SYDE2: variants seen among roughly 807,000 people sequenced by gnomAD.
SYDE2 encodes the protein synapse defective Rho GTPase homolog 2.
Under a neutral mutation model 91.5 loss-of-function variants are expected in SYDE2, and 76 were observed. The observed-to-expected ratio is 0.83, with a 90% CI of 0.69 to 1.01. The LOEUF (loss-of-function observed/expected upper bound fraction) is 1.01, where lower values mean the gene tolerates loss of function less well. SYDE2 is among the 50% of genes least tolerant of loss of function. The probability of loss-of-function intolerance (pLI) is 0.00; values close to 1 mark genes in which losing one functional copy is unlikely to be tolerated. For missense variants in SYDE2, 1,364 were observed against 1,367.7 expected, an observed-to-expected ratio of 1.00 and a Z score of 0.04; for synonymous variants, 513 against 506.4, an observed-to-expected ratio of 1.01 and a Z score of -0.18.
At chr1:85,162,294 T>C (rs1657091004) in intron 6 of SYDE2, among the ~76,000 whole-genome samples, 1 of 152,230 alleles carries the variant, frequency 6.6e-6, no homozygotes, top group Non-Finnish European at 1.5e-5. Flanking sequence ...AAACCTTCTA[T>C]TGAATGCATG....
chr1:85,177,822 C>G (rs1657760254), intron 4 of SYDE2, among the ~76,000 whole-genome samples: 1 of 152,126 alleles, frequency 6.6e-6, no homozygotes, highest in South Asian at 2.1e-4. Flanking sequence ...AGTCAATACG[C>G]TCTATATCAC....
intron 1 of SYDE2, among the ~76,000 whole-genome samples, 161 bp from the exon 2 acceptor site, chr1:85,190,913 T>C (rs12021868): frequency 0.047 from 7,175 of 152,208 alleles, 259 homozygotes; most frequent in East Asian, 0.17. Context: ...ATTTTACATA[T>C]AAATATGATT....
chr1:85,156,631 ATTCTC>A (rs1052402638), downstream of SYDE2, among the ~76,000 whole-genome samples: 32 of 152,132 alleles, frequency 2.1e-4, no homozygotes, highest in African/African-American at 7.5e-4. Context: ...AAATGATAGA[ATTCTC>A]TAAGAGGGCA....
Position 85,157,543 on chromosome 1 carries a change from A to C in SYDE2, c.*1207T>G, listed in dbSNP as rs997069001. 6.6e-6 allele frequency: 1 copy of C among 152,188 alleles called. No homozygotes were observed. Among genetic ancestry groups the C allele is most frequent in the Admixed American group, 6.5e-5 (1 of 15,284 alleles). 9.4% of individuals were successfully genotyped at this position (152,188 alleles called of 1,614,324 possible). A position where few individuals can be genotyped will look rare whatever the true frequency, so the allele number is the denominator to read the frequency against. On this transcript the variant is annotated 3_prime_UTR_variant, in exon 7 of 7. Transcript: ENST00000341460. ...AACAGGAGCAGATTTATTAAATCTA[A>C]GTCACCAGTGCAGAAATCTGGGTAC...
At chr1:85,162,325 T>C (rs1249847476) in intron 6 of SYDE2, among the ~76,000 whole-genome samples, 1 of 152,220 alleles carries the variant, frequency 6.6e-6, no homozygotes, top group East Asian at 1.9e-4. Context: ...AGGCATTCAC[T>C]GAGTTAATAT....
chr1:85,170,919 G>A (rs1657481095), intron 4 of SYDE2, among the ~76,000 whole-genome samples: 1 of 152,144 alleles, frequency 6.6e-6, no homozygotes, highest in South Asian at 2.1e-4. Context: ...ATATATGCAG[G>A]TATGTCTGTA....
chr1:85,200,085 TTAAG>T (rs1271503812), intron 1 of SYDE2, 163 bp downstream of exon 1: 3 of 945,972 alleles, frequency 3.2e-6, no homozygotes, highest in Non-Finnish European at 3.8e-6. Flanking sequence ...ATGCATTACA[TTAAG>T]TAACCCCGAA....
At chr1:85,187,587 T>C (rs1389246042) in intron 2 of SYDE2, among the ~76,000 whole-genome samples, 1 of 150,626 alleles carries the variant, frequency 6.6e-6, no homozygotes, top group Non-Finnish European at 1.5e-5. Flanking sequence ...TGCGGCACTA[T>C]TCACAATAGC....
intron 4 of SYDE2, 141 bp downstream of exon 4, chr1:85,178,005 C>T (rs932509448): frequency 6.7e-6 from 5 of 745,942 alleles, no homozygotes; most frequent in South Asian, 1.9e-5. Context: ...TAGAAAATAA[C>T]ACAGTAAGTA....
At chr1:85,181,204 T>A (rs1017387747) in intron 3 of SYDE2, 1 of 140,880 alleles carries the variant, frequency 7.1e-6, no homozygotes, top group Non-Finnish European at 1.5e-5. Context: ...CAGGCTAGAA[T>A]GCAGTGGCAC....
downstream of SYDE2, among the ~76,000 whole-genome samples, chr1:85,154,602 T>G (rs1396562020): frequency 2.7e-5 from 4 of 149,030 alleles, no homozygotes; most frequent in Non-Finnish European, 3.0e-5. Context: ...AAACATGGAG[T>G]CATTTCAATC....
chr1:85,185,331 TTTAAG>T (rs1285946821), intron 2 of SYDE2, among the ~76,000 whole-genome samples: 1 of 150,816 alleles, frequency 6.6e-6, no homozygotes, highest in African/African-American at 2.4e-5. Context: ...ATAGCATACT[TTTAAG>T]TTGTGTTTTT....
rs763276688 is a variant in SYDE2 at position 85,169,005 on chromosome 1, A to C, written c.2853+39T>G. 2.5e-6 allele frequency: 4 copies of C among 1,576,158 alleles called. No homozygotes were observed. The South Asian group carries it at 4.4e-5, about 17-fold the overall frequency. On this transcript the variant is annotated intron_variant, in intron 5 of 6. Transcript: ENST00000341460. ...TCTGGAGGTAGGTATACAGTTCATTAACTGGCTTTCAGGAAAAATGTATAC... is the reference window on the plus strand; with the variant it reads ...TCTGGAGGTAGGTATACAGTTCATTCACTGGCTTTCAGGAAAAATGTATAC...
rs1240085249 is a variant in SYDE2 at position 85,157,047 on chromosome 1, A to G, written c.*1703T>C. On this transcript the variant is annotated 3_prime_UTR_variant, in exon 7 of 7. Coordinates refer to ENST00000341460, the MANE Select transcript of SYDE2 (RefSeq NM_032184.2). ...TGGTATTCTTCTGAATTGTTAACACAAAGTTTTAAAAAATGAAAATTTCAT... is the reference window on the plus strand; with the variant it reads ...TGGTATTCTTCTGAATTGTTAACACGAAGTTTTAAAAAATGAAAATTTCAT... The G allele has an allele frequency of 1.3e-5, 2 of 152,020 alleles. No individual in the cohort carries two copies. The highest frequency in any genetic ancestry group is 4.8e-5 in the African/African-American group (2 of 41,462). 9.4% of individuals were successfully genotyped at this position (152,020 alleles called of 1,614,324 possible). A position where few individuals can be genotyped will look rare whatever the true frequency, so the allele number is the denominator to read the frequency against.
chr1:85,194,074 T>C (rs555307657), intron 1 of SYDE2, among the ~76,000 whole-genome samples: 9 of 151,948 alleles, frequency 5.9e-5, no homozygotes, highest in Non-Finnish European at 1.2e-4. Context: ...ATTATAAATA[T>C]ATAATATTAC....
At chr1:85,168,180 C>T (rs1008046299) in intron 5 of SYDE2, among the ~76,000 whole-genome samples, 2 of 152,064 alleles carry the variant, frequency 1.3e-5, no homozygotes, top group African/African-American at 2.4e-5. Context: ...CCACCCACCC[C>T]CTTAAACTTC....
At chr1:85,183,294 A>G (rs1658007626) in intron 2 of SYDE2, 94 bp from the exon 3 acceptor site, 1 of 1,142,496 alleles carries the variant, frequency 8.8e-7, no homozygotes, top group Non-Finnish European at 1.2e-6. Context: ...AGGCTTTCAC[A>G]TAGGCAGAAA....
intron 2 of SYDE2, among the ~76,000 whole-genome samples, chr1:85,188,822 T>C (rs1658252583): frequency 2.0e-5 from 3 of 152,180 alleles, no homozygotes; most frequent in Admixed American, 2.0e-4. Flanking sequence ...GGTGAAGATG[T>C]TGGTGGCTGG....
chr1:85,178,114 A>G (rs1277194615), intron 4 of SYDE2, 32 bp downstream of exon 4: 5 of 1,503,700 alleles, frequency 3.3e-6, no homozygotes. Flanking sequence ...GTCTTTCCAG[A>G]AAGAGTACAT....
Sources: gnomAD v4.1 joint callset for allele counts (sites outside exome capture counted in the v4.1 genomes callset) on GRCh38, gnomAD v4.1.1 for gene constraint, MANE v1.5 for transcripts, NCBI Gene and HGNC (gene_info 2026-07-23, HGNC 2026-07-21) for gene names.